STX1A: variants seen among roughly 807,000 people sequenced by gnomAD.
STX1A encodes the protein syntaxin-1A.
A neutral mutation model predicts 37.8 loss-of-function variants in STX1A; 4 were observed. The observed-to-expected ratio is 0.11, with a 90% CI of 0.05 to 0.24. STX1A has a LOEUF of 0.24. Ranked by LOEUF, STX1A falls within the 10% of genes least tolerant of loss-of-function variation. The pLI is 1.00. For synonymous variants in STX1A, 135 were observed against 147.4 expected, an observed-to-expected ratio of 0.92 and a Z score of 0.61; for missense variants, 251 against 399.9, an observed-to-expected ratio of 0.63 and a Z score of 3.18.
At chr7:73,708,513 C>A (rs896414213) in intron 3 of STX1A, 76 bp downstream of exon 3, 1 of 1,431,100 alleles carries the variant, frequency 7.0e-7, no homozygotes, top group Non-Finnish European at 9.6e-7. Flanking sequence ...GCAGAGGTCC[C>A]GTGAGGCCTC....
At position 73,709,704 on chromosome 7, in the gene STX1A, A is replaced by G. The variant is rs1004617508; in HGVS notation, c.31-582T>C. Among the ~76,000 whole-genome samples, 2 of 151,768 alleles carry G rather than the reference A, an allele frequency of 1.3e-5. No homozygotes were observed. The highest frequency in any genetic ancestry group is 3.2e-3 in the Middle Eastern group (1 of 310). Reference sequence around the variant, plus strand: ...GCTGGAATTATAGGTTTCCACAACCATGCCTGGCTCCAGTGGTTTTAATTC... The same window carrying G: ...GCTGGAATTATAGGTTTCCACAACCGTGCCTGGCTCCAGTGGTTTTAATTC... On this transcript the variant is annotated intron_variant, in intron 1 of 9. Coordinates refer to ENST00000222812, the MANE Select transcript of STX1A (RefSeq NM_004603.4). The surrounding 1 kb of genome is among the most constrained non-coding windows in gnomAD (Gnocchi z 4.2).
chr7:73,700,263 A>G lies in STX1A; in HGVS notation c.*144T>C, dbSNP rs1798599193. 1.4e-6 allele frequency: 1 copy of G among 729,142 alleles called. No homozygotes were observed. Among genetic ancestry groups the G allele is most frequent in the African/African-American group, 1.8e-5 (1 of 56,726 alleles). The allele number at this position is 729,142 out of a possible 1,614,324, so 45.2% of individuals were successfully genotyped here. A position where few individuals can be genotyped will look rare whatever the true frequency, so the allele number is the denominator to read the frequency against. On this transcript the variant is annotated 3_prime_UTR_variant, in exon 10 of 10. Coordinates refer to ENST00000222812, the MANE Select transcript of STX1A (RefSeq NM_004603.4). This position sits in a 1 kb window ranked among gnomAD's most constrained non-coding sequence, Gnocchi z 4.4. ...GACACGGGGCGGGGACGGAGGGCCC[A>G]TGGCAGAGAAGGGAGCATGGGGGCC...
At position 73,706,320 on chromosome 7, in the gene STX1A, T is replaced by C. The variant is rs1262811292; in HGVS notation, c.209-1096A>G. On this transcript the variant is annotated intron_variant, in intron 3 of 9. Coordinates refer to ENST00000222812, the MANE Select transcript of STX1A (RefSeq NM_004603.4). The surrounding 1 kb of genome is among the most constrained non-coding windows in gnomAD (Gnocchi z 4.6). The stretch of plus-strand genomic sequence containing the variant: ...CCGTAGGAACAAAGGAAAAGTCGGT[T>C]ACCAGCTGCTCTGACGTCTCAGCCT... Among the ~76,000 whole-genome samples the C allele has an allele frequency of 6.6e-6, 1 of 152,136 alleles. No individual in the cohort carries two copies. Among genetic ancestry groups the C allele is most frequent in the Non-Finnish European group, 1.5e-5 (1 of 68,012 alleles).
rs1475101939 is a variant in STX1A, at chr7:73,699,389, C to A, written c.*1018G>T. 2 of 152,620 alleles carry A rather than the reference C, an allele frequency of 1.3e-5. No homozygotes were observed. The highest frequency in any genetic ancestry group is 2.9e-5 in the Non-Finnish European group (2 of 68,050). The allele number at this position is 152,620 out of a possible 1,614,324, so 9.5% of individuals were successfully genotyped here. On this transcript the variant is annotated 3_prime_UTR_variant, in exon 10 of 10. Coordinates refer to ENST00000222812, the MANE Select transcript of STX1A (RefSeq NM_004603.4). ...GTGGGGCACACGGACACGGCCCCAT[C>A]CCCTGCTGCATGCACTCGCATGCAT...
At position 73,704,356 on chromosome 7, in the gene STX1A, C is replaced by T. The variant is rs781875405; in HGVS notation, c.351G>A (p.Lys117=). Residue 117 remains lysine (K), a synonymous_variant, in exon 5 of 10, where the codon AAG becomes AAA. Transcript: ENST00000222812. ...NRSSADLRIR[K]TQHSTLSRKF... is the part of the protein sequence containing the mutation. The stretch of plus-strand genomic sequence containing the variant: ...CTAGACTCCGTGGCCGCACCTGTGT[C>T]TTCCGGATCCTCAGGTCAGCGGAGG... 6 of 1,614,102 alleles carry T rather than the reference C, an allele frequency of 3.7e-6. No individual in the cohort carries two copies. In the Admixed American group the frequency reaches 5.0e-5, roughly 13 times the overall value.
Position 73,709,246 on chromosome 7 carries a change from G to T in STX1A, c.31-124C>A. ...CTCTCCCTGGGGGCCTCTGGGCAGG[G>T]ACAAGAACAGGCCTGGCTGTTCCGC... is the stretch of plus-strand genomic sequence containing the variant. On this transcript the variant is annotated intron_variant, in intron 1 of 9. Coordinates refer to ENST00000222812, the MANE Select transcript of STX1A (RefSeq NM_004603.4). The surrounding 1 kb of genome is among the most constrained non-coding windows in gnomAD (Gnocchi z 4.2). 1.1e-6 allele frequency: 1 copy of T among 919,334 alleles called. No homozygotes were observed. The highest frequency in any genetic ancestry group is 1.5e-5 in the South Asian group (1 of 68,154). 56.9% of individuals were successfully genotyped at this position (919,334 alleles called of 1,614,324 possible). A position where few individuals can be genotyped will look rare whatever the true frequency, so the allele number is the denominator to read the frequency against.
At chr7:73,707,243 C>A (rs1466771976) in intron 3 of STX1A, among the ~76,000 whole-genome samples, 1 of 152,184 alleles carries the variant, frequency 6.6e-6, no homozygotes, top group African/African-American at 2.4e-5. Flanking sequence ...GTGTAGTAAA[C>A]AACATCTCAA....
rs1425712408 is a variant in STX1A at position 73,702,243 on chromosome 7, C to T, written c.678+602G>A. Among the ~76,000 whole-genome samples, 1 of 152,180 alleles carries T rather than the reference C, an allele frequency of 6.6e-6. No individual in the cohort carries two copies. The highest frequency in any genetic ancestry group is 2.4e-5 in the African/African-American group (1 of 41,436). On this transcript the variant is annotated intron_variant, in intron 8 of 9. Coordinates refer to ENST00000222812, the MANE Select transcript of STX1A (RefSeq NM_004603.4). The surrounding 1 kb of genome is among the most constrained non-coding windows in gnomAD (Gnocchi z 4.7). ...GAGAGGCCTTCCTTGACCACTCACT[C>T]CAACAAAGGCAGCCGCCCCATCGTG...
chr7:73,711,614 A>C (rs782399715), intron 1 of STX1A, among the ~76,000 whole-genome samples: 4 of 152,034 alleles, frequency 2.6e-5, no homozygotes, highest in South Asian at 4.1e-4. Context: ...TCCCTAGGGA[A>C]ACTGAGGCAG....
chr7:73,716,134 T>G (rs1346742618), intron 1 of STX1A, among the ~76,000 whole-genome samples: 1 of 152,252 alleles, frequency 6.6e-6, no homozygotes, highest in Non-Finnish European at 1.5e-5. Context: ...CCGTTCCACC[T>G]GCACCCCAGA....
intron 8 of STX1A, among the ~76,000 whole-genome samples, chr7:73,701,753 C>T (rs1381164604): frequency 6.6e-6 from 1 of 152,148 alleles, no homozygotes; most frequent in Non-Finnish European, 1.5e-5. Context: ...TCCTGACGGC[C>T]TCCGTACTTC....
Position 73,700,370 on chromosome 7 carries a change from T to C in STX1A, c.*37A>G, listed in dbSNP as rs1584236959. The C allele has an allele frequency of 1.2e-6, 2 of 1,603,726 alleles. No individual in the cohort carries two copies. Among genetic ancestry groups the C allele is most frequent in the Non-Finnish European group, 1.7e-6 (2 of 1,171,040 alleles). ...GGCAGCAGCCAGGGCCTCCTTGGAGTGGCCCACCTGGAGTGGAGTGGCAGT... is the reference window on the plus strand; with the variant it reads ...GGCAGCAGCCAGGGCCTCCTTGGAGCGGCCCACCTGGAGTGGAGTGGCAGT... On this transcript the variant is annotated 3_prime_UTR_variant, in exon 10 of 10. Coordinates refer to ENST00000222812, the MANE Select transcript of STX1A (RefSeq NM_004603.4). This position sits in a 1 kb window ranked among gnomAD's most constrained non-coding sequence, Gnocchi z 4.4.
intron 8 of STX1A, chr7:73,701,237 C>A: frequency 2.2e-6 from 1 of 446,330 alleles, no homozygotes; most frequent in Non-Finnish European, 4.0e-6. Flanking sequence ...CCTGCCCACA[C>A]CCCCATCCTC....
In STX1A at chr7:73,705,635, GA is replaced by G. The variant is rs2116741662; in HGVS notation, c.209-412del. ...CACCTGGTGTTACCTGGTGGCTCAG[GA>G]GGGTACGCAGCCAGGCAGGGGGTTG... On this transcript the variant is annotated intron_variant, in intron 3 of 9. Coordinates refer to ENST00000222812, the MANE Select transcript of STX1A (RefSeq NM_004603.4). The surrounding 1 kb of genome is among the most constrained non-coding windows in gnomAD (Gnocchi z 5.2). The G allele has an allele frequency of 4.4e-6, 1 of 225,732 alleles. No homozygotes were observed. Among genetic ancestry groups the G allele is most frequent in the South Asian group, 6.1e-5 (1 of 16,366 alleles). 14.0% of individuals were successfully genotyped at this position (225,732 alleles called of 1,614,324 possible).
chr7:73,700,247 C>G lies in STX1A; in HGVS notation c.*160G>C, dbSNP rs947262486. The G allele has an allele frequency of 1.1e-4, 72 of 669,474 alleles. No individual in the cohort carries two copies. The highest frequency in any genetic ancestry group is 1.9e-4 in the Admixed American group (8 of 42,780). The allele number at this position is 669,474 out of a possible 1,614,324, so 41.5% of individuals were successfully genotyped here. A position where few individuals can be genotyped will look rare whatever the true frequency, so the allele number is the denominator to read the frequency against. On this transcript the variant is annotated 3_prime_UTR_variant, in exon 10 of 10. Coordinates refer to ENST00000222812, the MANE Select transcript of STX1A (RefSeq NM_004603.4). This position sits in a 1 kb window ranked among gnomAD's most constrained non-coding sequence, Gnocchi z 4.4. The stretch of plus-strand genomic sequence containing the variant: ...CAGAGATCATGCACACGACACGGGG[C>G]GGGGACGGAGGGCCCATGGCAGAGA...
intron 1 of STX1A, among the ~76,000 whole-genome samples, chr7:73,718,954 G>T (rs1799392057): frequency 7.8e-6 from 1 of 128,026 alleles, no homozygotes. Flanking sequence ...CCGGGGGCGG[G>T]TGTGACGCCC....
chr7:73,707,943 A>G (rs1554617288), intron 3 of STX1A, among the ~76,000 whole-genome samples: 1 of 149,226 alleles, frequency 6.7e-6, no homozygotes, highest in Non-Finnish European at 1.5e-5. Context: ...TTGAAAAAAA[A>G]AAAAAGAAAA....
chr7:73,716,191 C>T (rs555419656), intron 1 of STX1A, among the ~76,000 whole-genome samples: 5 of 152,358 alleles, frequency 3.3e-5, no homozygotes, highest in South Asian at 2.1e-4. Context: ...ACCTCTGGAA[C>T]GTAATGGGAG....
chr7:73,703,761 G>A lies in STX1A; in HGVS notation c.534C>T (p.Ala178=). ...MLESGNPAIF[A]SGIIMDSSIS... is the part of the protein sequence containing the mutation. ...GGATGGGGCCTACACTCACCCCAGA[G>A]GCAAAGATGGCGGGGTTCCCACTCT... The change falls in exon 7 of 10, where the codon GCC becomes GCT. Residue 178 remains alanine (A), a synonymous_variant. Coordinates refer to ENST00000222812, the MANE Select transcript of STX1A (RefSeq NM_004603.4). The A allele has an allele frequency of 6.2e-7, 1 of 1,613,728 alleles. No individual in the cohort carries two copies. Among genetic ancestry groups the A allele is most frequent in the Non-Finnish European group, 8.5e-7 (1 of 1,179,776 alleles).
Sources: gnomAD v4.1 joint callset for allele counts (sites outside exome capture counted in the v4.1 genomes callset) on GRCh38, gnomAD v4.1.1 for gene constraint, Gnocchi (gnomAD v3.1) non-coding constraint, MANE v1.5 for transcripts, NCBI Gene and HGNC (gene_info 2026-07-23, HGNC 2026-07-21) for gene names.